DLG1: variants seen among roughly 807,000 people sequenced by gnomAD.
DLG1 encodes the protein disks large homolog 1.
In DLG1, 42 loss-of-function variants were observed where a neutral mutation model predicts 123.4. The ratio of observed to expected loss-of-function variants is 0.34; its 90% CI spans 0.27 to 0.44. The LOEUF is 0.44. Ranked by LOEUF, DLG1 falls within the 20% of genes least tolerant of loss-of-function variation. DLG1 has a pLI of 1.00. For missense variants in DLG1, 942 were observed against 1,082.6 expected, an observed-to-expected ratio of 0.87 and a Z score of 1.82; for synonymous variants, 317 against 356.2, an observed-to-expected ratio of 0.89 and a Z score of 1.24.
chr3:197,054,081 G>C (rs1452465348), intron 23 of DLG1, among the ~76,000 whole-genome samples: 2 of 152,146 alleles, frequency 1.3e-5, no homozygotes, highest in Admixed American at 1.3e-4. Flanking sequence ...GGGTGACAAA[G>C]CGAGACCTTG....
At chr3:197,220,971 C>A (rs1347611117) in intron 4 of DLG1, among the ~76,000 whole-genome samples, 1 of 152,186 alleles carries the variant, frequency 6.6e-6, no homozygotes, top group Non-Finnish European at 1.5e-5. Flanking sequence ...TTCTAACAAG[C>A]AAACTGCTAT....
chr3:197,255,965 C>T (rs937906332), intron 4 of DLG1, among the ~76,000 whole-genome samples: 2 of 151,934 alleles, frequency 1.3e-5, no homozygotes, highest in African/African-American at 4.8e-5. Context: ...ATGAAAATAA[C>T]CAGGCTGTGA....
At position 197,191,068 on chromosome 3, in the gene DLG1, T is replaced by TAA. The variant is rs1452135857; in HGVS notation, c.483+3356_483+3357insTT. On this transcript the variant is annotated intron_variant, in intron 5 of 24. Transcript: ENST00000667157. Reference sequence around the variant, plus strand: ...GGGTTTTGTCATATTAATCTTTGATTTACACAAAAAGTCTTCCCAATTATA... The same window carrying TAA: ...GGGTTTTGTCATATTAATCTTTGATTAATACACAAAAAGTCTTCCCAATTATA... 1.3e-3 allele frequency among the ~76,000 whole-genome samples: 202 copies of TAA among 152,262 alleles called. 1 individual carries two copies. Among genetic ancestry groups the TAA allele is most frequent in the African/African-American group, 4.7e-3 (195 of 41,554 alleles).
At chr3:197,174,008 G>A (rs1015449523) in intron 5 of DLG1, among the ~76,000 whole-genome samples, 6 of 152,148 alleles carry the variant, frequency 3.9e-5, no homozygotes, top group Admixed American at 2.0e-4. Context: ...ACTTGAACCC[G>A]GGAGGTGGAA....
intron 16 of DLG1, among the ~76,000 whole-genome samples, chr3:197,082,268 G>A (rs916479150): frequency 6.6e-6 from 1 of 152,110 alleles, no homozygotes; most frequent in African/African-American, 2.4e-5. Context: ...TACTTGGGAG[G>A]CTGAGGCAGG....
At chr3:197,193,035 G>A (rs1326036956) in intron 5 of DLG1, among the ~76,000 whole-genome samples, 3 of 151,948 alleles carry the variant, frequency 2.0e-5, no homozygotes, top group Non-Finnish European at 4.4e-5. Flanking sequence ...AATCTGAATC[G>A]TACTATAACC....
At chr3:197,298,376 C>A in intron 1 of DLG1, 160 bp downstream of exon 1, 1 of 397,866 alleles carries the variant, frequency 2.5e-6, no homozygotes, top group South Asian at 1.4e-4. Context: ...CACTCGGACT[C>A]CACAGGTGGC....
chr3:197,060,098 G>A (rs545413630), intron 22 of DLG1, 100 bp from the exon 23 acceptor site: 2 of 723,934 alleles, frequency 2.8e-6, no homozygotes, highest in Non-Finnish European at 4.4e-6. Context: ...ATCATGATCT[G>A]TTTCGATCCT....
At chr3:197,064,709 C>T (rs569446484) in intron 22 of DLG1, among the ~76,000 whole-genome samples, 5 of 152,132 alleles carry the variant, frequency 3.3e-5, no homozygotes, top group African/African-American at 1.2e-4. Context: ...TGTCTTTTGA[C>T]ATTGTTAATG....
intron 17 of DLG1, among the ~76,000 whole-genome samples, chr3:197,079,599 T>C (rs995573741): frequency 2.6e-5 from 4 of 152,236 alleles, no homozygotes; most frequent in African/African-American, 9.6e-5. Flanking sequence ...AACCTCTTTT[T>C]CAATTTATTG....
chr3:197,265,547 C>G (rs1158836375), intron 4 of DLG1, among the ~76,000 whole-genome samples: 2 of 152,098 alleles, frequency 1.3e-5, no homozygotes, highest in African/African-American at 4.8e-5. Context: ...AGAAAAAGCT[C>G]CAGAGATCTG....
At chr3:197,145,694 AGGT>A (rs1377970351) in intron 6 of DLG1, among the ~76,000 whole-genome samples, 3 of 152,192 alleles carry the variant, frequency 2.0e-5, no homozygotes, top group African/African-American at 7.2e-5. Flanking sequence ...CTCACAAGGT[AGGT>A]GCTCAGTAAA....
At chr3:197,200,024 T>C (rs1724768024) in intron 4 of DLG1, among the ~76,000 whole-genome samples, 1 of 152,174 alleles carries the variant, frequency 6.6e-6, no homozygotes, top group African/African-American at 2.4e-5. Flanking sequence ...GTTAACAATA[T>C]CAGCAATATT....
chr3:197,261,567 T>C (rs1041981169), intron 4 of DLG1, among the ~76,000 whole-genome samples: 3 of 152,226 alleles, frequency 2.0e-5, no homozygotes, highest in African/African-American at 7.2e-5. Context: ...TGACCTCAAG[T>C]TCAAACAACT....
At chr3:197,176,537 T>C (rs1807201210) in intron 5 of DLG1, among the ~76,000 whole-genome samples, 1 of 152,170 alleles carries the variant, frequency 6.6e-6, no homozygotes, top group Non-Finnish European at 1.5e-5. Context: ...TTCCAGAACG[T>C]CATCTAGTTG....
At chr3:197,164,359 T>G (rs1455097651) in intron 5 of DLG1, among the ~76,000 whole-genome samples, 1 of 151,992 alleles carries the variant, frequency 6.6e-6, no homozygotes, top group Non-Finnish European at 1.5e-5. Flanking sequence ...ATTGCGCCAT[T>G]GCACTCCAGC....
Position 197,085,694 on chromosome 3 carries a change from T to C in DLG1, c.1724A>G (p.Lys575Arg), listed in dbSNP as rs772108454. ...AATAACATGGAGGATATCTCCAAAT[T>C]TGAAGTTCAGTCCCTGACTGGGAAG... is the stretch of plus-strand genomic sequence containing the variant. ...SGLPSQGLNF[K>R]FGDILHVINA... is the part of the protein sequence containing the mutation. Residue 575 changes from lysine (K) to arginine (R), a missense_variant, in exon 16 of 25, where the codon AAA (lysine) becomes AGA (arginine). Transcript: ENST00000667157. 2.9e-5 allele frequency: 47 copies of C among 1,613,768 alleles called. No individual in the cohort carries two copies. Among genetic ancestry groups the C allele is most frequent in the Non-Finnish European group, 4.0e-5 (47 of 1,179,988 alleles).
At chr3:197,133,382 C>T (rs1487832882) in intron 10 of DLG1, among the ~76,000 whole-genome samples, 2 of 152,180 alleles carry the variant, frequency 1.3e-5, no homozygotes, top group Non-Finnish European at 2.9e-5. Flanking sequence ...TGTCAGCCAA[C>T]CTAACAGTGG....
At chr3:197,203,697 T>C (rs1236965760) in intron 4 of DLG1, among the ~76,000 whole-genome samples, 4 of 152,224 alleles carry the variant, frequency 2.6e-5, no homozygotes, top group African/African-American at 9.7e-5. Flanking sequence ...CTTTCACTTT[T>C]GCAATCTTTA....
Sources: allele counts gnomAD v4.1 joint callset (sites outside exome capture counted in the v4.1 genomes callset), GRCh38; gene constraint gnomAD v4.1.1; transcripts MANE v1.5; gene names NCBI Gene and HGNC (gene_info 2026-07-23, HGNC 2026-07-21).